Variants in TTC17 observed in about 807,000 individuals in gnomAD.
TTC17 encodes tetratricopeptide repeat domain 17, also known as tetratricopeptide repeat protein 17.
A neutral mutation model predicts 143.8 loss-of-function variants in TTC17; 58 were observed. The ratio of observed to expected loss-of-function variants is 0.40; its 90% confidence interval spans 0.33 to 0.50. TTC17 has a LOEUF of 0.50. Ranked by LOEUF, TTC17 falls within the 20% of genes least tolerant of loss-of-function variation. TTC17 has a pLI of 0.49. For synonymous variants in TTC17, 501 were observed against 497.8 expected (o/e 1.01, Z -0.09); for missense variants, 1,273 against 1,392.5 (o/e 0.91, Z 1.37).
intron 15 of TTC17, among the ~76,000 whole-genome samples, chr11:43,411,065 A>G: frequency 6.6e-6 from 1 of 152,186 alleles, no homozygotes. Context: ...TCCTTATAAA[A>G]AGTCAAATGT....
At chr11:43,436,819 C>T (rs527739221) in intron 16 of TTC17, among the ~76,000 whole-genome samples, 1 of 152,314 alleles carries the variant, frequency 6.6e-6, no homozygotes, top group East Asian at 1.9e-4. Flanking sequence ...TATCTGGAAC[C>T]ATGCATAACT....
At chr11:43,434,270 GCACA>G (rs1466757458) in intron 16 of TTC17, among the ~76,000 whole-genome samples, 1 of 148,134 alleles carries the variant, frequency 6.8e-6, no homozygotes, top group African/African-American at 2.5e-5. Context: ...TCATGGGTGG[GCACA>G]CACACACACC....
intron 21 of TTC17, among the ~76,000 whole-genome samples, chr11:43,467,856 G>A (rs1417033945): frequency 3.3e-5 from 5 of 151,200 alleles, no homozygotes; most frequent in African/African-American, 1.2e-4. Context: ...AGGCAATAAA[G>A]GACATGTGGG....
At chr11:43,380,437 G>T (rs528146189) in intron 2 of TTC17, among the ~76,000 whole-genome samples, 1 of 152,110 alleles carries the variant, frequency 6.6e-6, no homozygotes, top group Non-Finnish European at 1.5e-5. Context: ...TGTGCTTTTA[G>T]TAGAGACGGC....
chr11:43,464,974 C>A (rs1947942106), intron 21 of TTC17, among the ~76,000 whole-genome samples: 2 of 152,122 alleles, frequency 1.3e-5, no homozygotes, highest in Admixed American at 6.6e-5. Flanking sequence ...TATGAAAAAC[C>A]ATTTTTAGGA....
At chr11:43,489,170 C>T (rs967253657) in intron 21 of TTC17, among the ~76,000 whole-genome samples, 6 of 152,196 alleles carry the variant, frequency 3.9e-5, no homozygotes, top group Admixed American at 3.9e-4. Context: ...CAAGGATGAT[C>T]TCCCTAAAAT....
intron 21 of TTC17, among the ~76,000 whole-genome samples, chr11:43,481,156 C>A (rs1239117658): frequency 6.6e-6 from 1 of 152,162 alleles, no homozygotes; most frequent in Non-Finnish European, 1.5e-5. Flanking sequence ...TAAAATGTTT[C>A]ATTCACCAGA....
At chr11:43,361,143 G>A (rs1315932914) in intron 1 of TTC17, among the ~76,000 whole-genome samples, 1 of 152,206 alleles carries the variant, frequency 6.6e-6, no homozygotes, top group Non-Finnish European at 1.5e-5. Context: ...CACTCTGATA[G>A]CTGATTGTGC....
rs941291289 is a variant in TTC17, at chr11:43,494,134, A to G, written c.*230A>G. On this transcript the variant is annotated 3_prime_UTR_variant, in exon 24 of 24. Transcript: ENST00000039989. ...TCAGAAACACACATTTCTTAAAAGGAAAGTGCAGCTTCAAGATATTGTGTA... is the reference window on the plus strand; with the variant it reads ...TCAGAAACACACATTTCTTAAAAGGGAAGTGCAGCTTCAAGATATTGTGTA... 4.3e-5 allele frequency: 20 copies of G among 461,314 alleles called. No individual in the cohort carries two copies. Among genetic ancestry groups the G allele is most frequent in the Non-Finnish European group, 6.8e-5 (18 of 266,360 alleles). The allele number at this position is 461,314 out of a possible 1,614,324, so 28.6% of individuals were successfully genotyped here. A position where few individuals can be genotyped will look rare whatever the true frequency, so the allele number is the denominator to read the frequency against.
intron 21 of TTC17, among the ~76,000 whole-genome samples, chr11:43,488,479 T>G (rs1275263171): frequency 6.7e-6 from 1 of 150,318 alleles, no homozygotes; most frequent in African/African-American, 2.4e-5. Context: ...TATAGTATAA[T>G]ATATATATTA....
intron 21 of TTC17, among the ~76,000 whole-genome samples, chr11:43,465,580 C>G (rs1947955312): frequency 6.6e-6 from 1 of 152,092 alleles, no homozygotes; most frequent in South Asian, 2.1e-4. Flanking sequence ...ATTAAGAACT[C>G]AATTGATGGG....
chr11:43,456,472 A>G (rs1177116946), intron 21 of TTC17, among the ~76,000 whole-genome samples: 1 of 152,234 alleles, frequency 6.6e-6, no homozygotes, highest in African/African-American at 2.4e-5. Flanking sequence ...ATACACCTGT[A>G]AAAGTAATAT....
intron 21 of TTC17, among the ~76,000 whole-genome samples, chr11:43,485,795 G>T (rs1198603030): frequency 6.6e-6 from 1 of 151,768 alleles, no homozygotes; most frequent in East Asian, 1.9e-4. Flanking sequence ...GAAGGACATG[G>T]ATCAAGAGGT....
At chr11:43,362,208 A>G (rs1856144521) in intron 1 of TTC17, among the ~76,000 whole-genome samples, 1 of 150,872 alleles carries the variant, frequency 6.6e-6, no homozygotes, top group Non-Finnish European at 1.5e-5. Context: ...TTTAGTAGAG[A>G]CAGGGTTTTA....
At chr11:43,464,141 G>T in intron 21 of TTC17, among the ~76,000 whole-genome samples, 1 of 152,138 alleles carries the variant, frequency 6.6e-6, no homozygotes, top group South Asian at 2.1e-4. Flanking sequence ...TTAGCTGGGC[G>T]TGGTGGTGCA....
intron 1 of TTC17, 58 bp downstream of exon 1, chr11:43,359,171 C>T (rs996954981): frequency 2.0e-6 from 3 of 1,483,316 alleles, no homozygotes; most frequent in African/African-American, 1.5e-5. Flanking sequence ...GGGGATTACC[C>T]TGCTTGGCCC....
Position 43,444,722 on chromosome 11 carries a change from TACAC to T in TTC17, c.2665+547_2665+550del, listed in dbSNP as rs10638143. Among the ~76,000 whole-genome samples, 944 of 143,612 alleles carry T rather than the reference TACAC, an allele frequency of 6.6e-3. 10 individuals are homozygous for T. Among genetic ancestry groups the T allele is most frequent in the African/African-American group, 0.021 (817 of 38,924 alleles). The allele number at this position is 143,612 out of a possible 152,430, so 94.2% of individuals were successfully genotyped here. On this transcript the variant is annotated intron_variant, in intron 18 of 23. Coordinates refer to ENST00000039989, the MANE Select transcript of TTC17 (RefSeq NM_018259.6). ...GTACATAGGCAGTTCACCAAATACA[TACAC>T]ACACACACACACACACACACACACA...
At chr11:43,451,896 C>T (rs181244686) in intron 21 of TTC17, among the ~76,000 whole-genome samples, 60 of 152,106 alleles carry the variant, frequency 3.9e-4, no homozygotes, top group Non-Finnish European at 5.4e-4. Context: ...AGTATGAATG[C>T]GACACTGTGA....
At chr11:43,469,396 CACAAAAT>C (rs1314011980) in intron 21 of TTC17, among the ~76,000 whole-genome samples, 1 of 151,994 alleles carries the variant, frequency 6.6e-6, no homozygotes. Context: ...AACATATGAC[CACAAAAT>C]ACTTGGAAAA....
Sources: allele counts gnomAD v4.1 joint callset (sites outside exome capture counted in the v4.1 genomes callset), GRCh38; gene constraint gnomAD v4.1.1; transcripts MANE v1.5; gene names NCBI Gene and HGNC (gene_info 2026-07-23, HGNC 2026-07-21).